GALNT13: variants seen among roughly 807,000 people sequenced by gnomAD.
The protein encoded by GALNT13 is UDP-GalNAc:polypeptide N-acetylgalactosaminyltransferase 13.
Under a neutral mutation model 64.2 loss-of-function variants are expected in GALNT13, and 28 were observed. That is an observed-to-expected ratio of 0.44 (90% CI 0.32 to 0.60). The LOEUF (loss-of-function observed/expected upper bound fraction) is 0.60. Among genes scored for constraint, GALNT13 ranks in the 20% least tolerant of loss-of-function variants. The pLI is 0.05. For missense variants in GALNT13, 577 were observed against 669.8 expected, an observed-to-expected ratio of 0.86 and a Z score of 1.53; for synonymous variants, 214 against 224.6, an observed-to-expected ratio of 0.95 and a Z score of 0.42.
At chr2:153,222,021 G>T in the GALNT13 span, among the ~76,000 whole-genome samples, 1 of 152,122 alleles carries the variant, frequency 6.6e-6, no homozygotes, top group Non-Finnish European at 1.5e-5. Flanking sequence ...GGATGGGGAG[G>T]CGTGTTTCAG....
the GALNT13 span, among the ~76,000 whole-genome samples, chr2:153,351,248 C>T: frequency 0.14 from 20,885 of 152,072 alleles, 1,527 homozygotes; most frequent in Middle Eastern, 0.18. Flanking sequence ...GTCTAGGAAA[C>T]AAGTGATTAT....
the GALNT13 span, among the ~76,000 whole-genome samples, chr2:153,279,791 G>A: frequency 6.6e-6 from 1 of 151,862 alleles, no homozygotes; most frequent in Non-Finnish European, 1.5e-5. Context: ...TTGCGTCTAT[G>A]TTCATCCAGA....
the GALNT13 span, among the ~76,000 whole-genome samples, chr2:153,273,811 T>C: frequency 2.6e-5 from 4 of 152,230 alleles, no homozygotes; most frequent in African/African-American, 9.6e-5. Context: ...TAATAGTCTA[T>C]ATGTGTAATT....
In GALNT13 at chr2:154,340,568, T is replaced by G. The variant is rs149783052; in HGVS notation, c.1156+38979T>G. The stretch of plus-strand genomic sequence containing the variant: ...TGATATAATATATTGCTGTTGATGG[T>G]AAAAAGGAATTTTTCTAAGTCTCTT... On this transcript the variant is annotated intron_variant, in intron 9 of 12. Coordinates refer to ENST00000392825, the MANE Select transcript of GALNT13 (RefSeq NM_052917.4). Among the ~76,000 whole-genome samples the G allele has an allele frequency of 9.6e-3, 1,459 of 152,238 alleles. 23 individuals are homozygous for G. Among genetic ancestry groups the G allele is most frequent in the African/African-American group, 0.033 (1,374 of 41,546 alleles).
chr2:153,656,840 C>T, the GALNT13 span, among the ~76,000 whole-genome samples: 1 of 152,014 alleles, frequency 6.6e-6, no homozygotes, highest in Admixed American at 6.6e-5. Flanking sequence ...GAAACAGTCA[C>T]ACATTGGGAT....
chr2:153,899,605 C>A, intron 1 of GALNT13, among the ~76,000 whole-genome samples: 1 of 151,884 alleles, frequency 6.6e-6, no homozygotes, highest in African/African-American at 2.4e-5. Context: ...CTGTGCAATC[C>A]CAATGTCTTT....
the GALNT13 span, among the ~76,000 whole-genome samples, chr2:153,142,081 G>A: frequency 2.0e-5 from 3 of 152,130 alleles, no homozygotes; most frequent in African/African-American, 4.8e-5. Flanking sequence ...AATTTCTCAC[G>A]AACTGCTGAA....
intron 4 of GALNT13, among the ~76,000 whole-genome samples, chr2:154,146,136 G>GTA (rs145289172): frequency 0.041 from 6,004 of 148,232 alleles, 145 homozygotes; most frequent in East Asian, 0.055. Flanking sequence ...GTGTGTGTGT[G>GTA]TATATATATA....
chr2:153,860,152 T>G, the GALNT13 span, among the ~76,000 whole-genome samples: 1 of 152,228 alleles, frequency 6.6e-6, no homozygotes, highest in Admixed American at 6.5e-5. Context: ...GTTTTGTACT[T>G]TGTTCTGAAA....
At chr2:153,682,546 C>T in the GALNT13 span, among the ~76,000 whole-genome samples, 1 of 151,690 alleles carries the variant, frequency 6.6e-6, no homozygotes, top group African/African-American at 2.4e-5. Flanking sequence ...CCTGCTCTCA[C>T]ATAAATAAAT....
chr2:153,611,222 G>A, the GALNT13 span, among the ~76,000 whole-genome samples: 1 of 152,126 alleles, frequency 6.6e-6, no homozygotes, highest in Non-Finnish European at 1.5e-5. Context: ...TACTAGACTA[G>A]CCAAGTATTT....
At chr2:153,814,312 C>T in the GALNT13 span, among the ~76,000 whole-genome samples, 1 of 152,166 alleles carries the variant, frequency 6.6e-6, no homozygotes, top group Non-Finnish European at 1.5e-5. Flanking sequence ...CGGTGGCGGG[C>T]GCCTGTAGTC....
chr2:153,734,224 A>G, the GALNT13 span, among the ~76,000 whole-genome samples: 1 of 152,148 alleles, frequency 6.6e-6, no homozygotes, highest in African/African-American at 2.4e-5. Flanking sequence ...ATTGACCAGA[A>G]GAGGTTTTGC....
At chr2:153,574,400 G>C in the GALNT13 span, among the ~76,000 whole-genome samples, 1 of 151,856 alleles carries the variant, frequency 6.6e-6, no homozygotes, top group Non-Finnish European at 1.5e-5. Context: ...TCTAGATTTG[G>C]GGAGTTCTCT....
chr2:154,312,470 T>C (rs1330921426), intron 9 of GALNT13, among the ~76,000 whole-genome samples: 3 of 152,232 alleles, frequency 2.0e-5, no homozygotes, highest in African/African-American at 2.4e-5. Context: ...TGCCTTACTT[T>C]TATCTATTCA....
chr2:153,318,353 T>C, the GALNT13 span, among the ~76,000 whole-genome samples: 1 of 152,220 alleles, frequency 6.6e-6, no homozygotes, highest in Non-Finnish European at 1.5e-5. Context: ...TCTGTCCATC[T>C]TGATTTGTTC....
intron 3 of GALNT13, among the ~76,000 whole-genome samples, chr2:154,136,349 A>AT (rs1200408579): frequency 6.6e-6 from 1 of 152,162 alleles, no homozygotes; most frequent in African/African-American, 2.4e-5. Flanking sequence ...ACAGAATAAA[A>AT]TTATTACTTT....
At chr2:154,176,367 TG>T (rs1006931198) in intron 4 of GALNT13, among the ~76,000 whole-genome samples, 7 of 151,462 alleles carry the variant, frequency 4.6e-5, no homozygotes, top group Admixed American at 6.6e-5. Context: ...CTCCGCCTCC[TG>T]GGTTCTCCTG....
At chr2:154,286,118 T>G (rs371932186) in intron 8 of GALNT13, among the ~76,000 whole-genome samples, 1 of 152,222 alleles carries the variant, frequency 6.6e-6, no homozygotes, top group Non-Finnish European at 1.5e-5. Flanking sequence ...TATAAGATCG[T>G]GTCATCAGCA....
Sources: gnomAD v4.1 joint callset for allele counts (sites outside exome capture counted in the v4.1 genomes callset) on GRCh38, gnomAD v4.1.1 for gene constraint, MANE v1.5 for transcripts, NCBI Gene and HGNC (gene_info 2026-07-23, HGNC 2026-07-21) for gene names.